Variants in CTR9 observed in about 807,000 individuals in gnomAD.
CTR9 encodes CTR9 component of Paf1/RNA polymerase II complex.
A neutral mutation model predicts 152.1 loss-of-function variants in CTR9; 41 were observed. The observed-to-expected ratio is 0.27, with a 90% CI of 0.21 to 0.35. The LOEUF (loss-of-function observed/expected upper bound fraction) is 0.35, where lower values mean the gene tolerates loss of function less well. CTR9 is among the 10% of genes least tolerant of loss of function. CTR9 has a pLI of 1.00. For missense variants in CTR9, 917 were observed against 1,424.4 expected (o/e 0.64, Z 5.73); for synonymous variants, 476 against 496.2 (o/e 0.96, Z 0.54).
In CTR9 at chr11:10,761,993, C is replaced by A; in HGVS notation, c.788C>A (p.Thr263Asn). 1 of 1,611,572 alleles carries A rather than the reference C, an allele frequency of 6.2e-7. No individual in the cohort carries two copies. The highest frequency in any genetic ancestry group is 2.2e-5 in the East Asian group (1 of 44,722). ...GTCCAGCTTCTTTCCAGAGCCTATA[C>A]TATTGATCCTAGCAACCCTATGGTA... ...NGVQLLSRAYTIDPSNPMVLN... is the reference protein window; with the variant it reads ...NGVQLLSRAYNIDPSNPMVLN... The change falls in exon 7 of 25, where the codon ACT becomes AAT. Residue 263 changes from threonine (T) to asparagine (N), a missense_variant. Transcript: ENST00000361367.
Position 10,768,136 on chromosome 11 carries a change from G to C in CTR9, c.1935G>C (p.Lys645Asn). The change falls in exon 15 of 25, where the codon AAG becomes AAC. Residue 645 changes from lysine to asparagine, a missense_variant. Lys to Asn is a moderately conservative substitution (Grantham distance 94). Around this residue, in one of 9 missense-constraint regions of CTR9, gnomAD observed 87 missense variants for 235.7 expected, o/e 0.37. Coordinates refer to ENST00000361367, the MANE Select transcript of CTR9 (RefSeq NM_014633.5). ...IYKQVLRNDAKNLYAANGIGA... is the reference protein window; with the variant it reads ...IYKQVLRNDANNLYAANGIGA... ...AACAAGTACTCAGAAATGATGCAAA[G>C]AATCTGTATGCTGCCAATGGCATAG... 6.2e-7 allele frequency: 1 copy of C among 1,613,946 alleles called. No homozygotes were observed. The highest frequency in any genetic ancestry group is 8.5e-7 in the Non-Finnish European group (1 of 1,179,936).
chr11:10,778,668 A>C lies in CTR9; in HGVS notation c.3096-11A>C, dbSNP rs1032867307. The stretch of plus-strand genomic sequence containing the variant: ...AATCCTCAGCTTCTAACCAATGATC[A>C]TCTTTGCCAGACATCCCAGGAACAG... On this transcript the variant is annotated splice_polypyrimidine_tract_variant and intron_variant, in intron 24 of 24. Transcript: ENST00000361367. The C allele has an allele frequency of 2.5e-6, 4 of 1,604,018 alleles. No homozygotes were observed. The highest frequency in any genetic ancestry group is 2.7e-5 in the African/African-American group (2 of 74,892).
chr11:10,770,990 C>T (rs748192258), intron 18 of CTR9, among the ~76,000 whole-genome samples: 10 of 152,184 alleles, frequency 6.6e-5, no homozygotes, highest in Non-Finnish European at 1.3e-4. Flanking sequence ...TGGACACTTA[C>T]GTTGGTCTTC....
chr11:10,774,660 A>T (rs1863202028), intron 22 of CTR9, among the ~76,000 whole-genome samples: 1 of 152,196 alleles, frequency 6.6e-6, no homozygotes, highest in South Asian at 2.1e-4. Flanking sequence ...CCCATTTCTC[A>T]TGCGGAGGTG....
chr11:10,752,428 T>A (rs1458072903), intron 1 of CTR9, among the ~76,000 whole-genome samples: 1 of 152,202 alleles, frequency 6.6e-6, no homozygotes, highest in Non-Finnish European at 1.5e-5. Context: ...TTTCTAGTAT[T>A]TTATAGTTCC....
At position 10,751,446 on chromosome 11, in the gene CTR9, G is replaced by T; in HGVS notation, c.34G>T (p.Asp12Tyr). 1.2e-6 allele frequency: 2 copies of T among 1,613,796 alleles called. No homozygotes were observed. The highest frequency in any genetic ancestry group is 8.5e-7 in the Non-Finnish European group (1 of 1,180,022). The change falls in exon 1 of 25, where the codon GAC (aspartate) becomes TAC (tyrosine). Residue 12 changes from aspartate (D) to tyrosine (Y), a missense_variant. Physicochemically the swap from Asp to Tyr is radical, Grantham distance 160. Coordinates refer to ENST00000361367, the MANE Select transcript of CTR9 (RefSeq NM_014633.5). ...GGGCTCCATCGAGATTCCCCTCCGG[G>T]ACACTGACGAGGTAAGTGTCGTGTA... Reference protein sequence around the residue: ...SRGSIEIPLRDTDEVIELDFD... With the variant: ...SRGSIEIPLRYTDEVIELDFD...
At chr11:10,778,292 G>A (rs1433725391) in intron 24 of CTR9, among the ~76,000 whole-genome samples, 1 of 152,218 alleles carries the variant, frequency 6.6e-6, no homozygotes, top group Non-Finnish European at 1.5e-5. Flanking sequence ...AGCCAGTTGA[G>A]ATCCTGGATT....
intron 2 of CTR9, among the ~76,000 whole-genome samples, chr11:10,754,404 T>A (rs753732470): frequency 1.3e-5 from 2 of 152,228 alleles, no homozygotes; most frequent in Non-Finnish European, 2.9e-5. Flanking sequence ...TCCAGTTTTT[T>A]AAACAGTTTT....
chr11:10,768,787 C>T (rs1392590349), intron 16 of CTR9, among the ~76,000 whole-genome samples: 5 of 152,060 alleles, frequency 3.3e-5, no homozygotes, highest in Admixed American at 6.5e-5. Context: ...GTGAGGATCC[C>T]GTATGAAAAC....
At chr11:10,769,760 A>C (rs1264997411) in intron 16 of CTR9, among the ~76,000 whole-genome samples, 1 of 152,232 alleles carries the variant, frequency 6.6e-6, no homozygotes, top group Non-Finnish European at 1.5e-5. Flanking sequence ...TGGTTTTACC[A>C]AGAAGTTAAC....
At chr11:10,765,554 C>G (rs1334736606) in intron 12 of CTR9, among the ~76,000 whole-genome samples, 1 of 152,080 alleles carries the variant, frequency 6.6e-6, no homozygotes, top group Non-Finnish European at 1.5e-5. Context: ...CTCTGCCTCC[C>G]GGGTTGGAGT....
chr11:10,755,257 ATG>A (rs1317323307), intron 3 of CTR9, 60 bp downstream of exon 3: 7 of 1,539,888 alleles, frequency 4.5e-6, no homozygotes, highest in African/African-American at 2.8e-5. Context: ...TGAAAGCAAA[ATG>A]TGTGTGATAG....
intron 5 of CTR9, among the ~76,000 whole-genome samples, chr11:10,757,989 A>G (rs979519364): frequency 6.6e-6 from 1 of 152,218 alleles, no homozygotes; most frequent in Admixed American, 6.5e-5. Flanking sequence ...GAGAGAGAGC[A>G]TAGAAGGTAC....
chr11:10,770,819 C>G (rs1265717611), intron 18 of CTR9, among the ~76,000 whole-genome samples, 187 bp downstream of exon 18: 1 of 152,222 alleles, frequency 6.6e-6, no homozygotes, highest in Admixed American at 6.5e-5. Context: ...AAGCAGATAG[C>G]AGCTGCCACC....
At chr11:10,754,101 G>C (rs1329451337) in intron 2 of CTR9, among the ~76,000 whole-genome samples, 1 of 152,112 alleles carries the variant, frequency 6.6e-6, no homozygotes, top group Non-Finnish European at 1.5e-5. Flanking sequence ...TCAAACTCCT[G>C]GGCTCAAGCC....
chr11:10,766,557 T>G (rs1245701556), intron 13 of CTR9, 67 bp downstream of exon 13: 6 of 1,219,182 alleles, frequency 4.9e-6, no homozygotes, highest in Admixed American at 2.7e-5. Context: ...ATAAATCAGT[T>G]TTTCCTTTTA....
chr11:10,779,008 G>C lies in CTR9; in HGVS notation c.3425G>C (p.Gly1142Ala), dbSNP rs767925784. 1.4e-5 allele frequency: 22 copies of C among 1,614,046 alleles called. 1 individual carries two copies. In the South Asian group the frequency reaches 1.8e-4, roughly 13 times the overall value. Residue 1142 changes from glycine (G) to alanine (A), a missense_variant, in exon 25 of 25, where the codon GGT (glycine) becomes GCT (alanine). Physicochemically the swap from Gly to Ala is moderately conservative, Grantham distance 60. Transcript: ENST00000361367. ...HESERGSDNE[G>A]SGQGSGNESE... ...TCGGAGAGAGGATCTGATAATGAGG[G>C]TTCTGGCCAAGGCTCTGGAAATGAA...
chr11:10,760,083 C>A, intron 5 of CTR9, 90 bp from the exon 6 acceptor site: 1 of 1,429,714 alleles, frequency 7.0e-7, no homozygotes, highest in African/African-American at 1.4e-5. Flanking sequence ...GGGGATTTTG[C>A]AACTCATAAA....
chr11:10,761,921 C>A, intron 6 of CTR9, 26 bp from the exon 7 acceptor site: 1 of 1,450,530 alleles, frequency 6.9e-7, no homozygotes, highest in Non-Finnish European at 9.5e-7. Context: ...GTTTTCACTC[C>A]ACCTTGTTGC....
Sources: allele counts gnomAD v4.1 joint callset (sites outside exome capture counted in the v4.1 genomes callset), GRCh38; gene constraint gnomAD v4.1.1; regional missense constraint gnomAD v4.1.1; transcripts MANE v1.5; gene names NCBI Gene and HGNC (gene_info 2026-07-23, HGNC 2026-07-21).